CDK17: variants seen among roughly 807,000 people sequenced by gnomAD.
CDK17 encodes the protein cyclin dependent kinase 17, also known as cyclin-dependent kinase 17.
CDK17 carries 24 observed loss-of-function variants against 77.6 expected under a neutral mutation model. That is an observed-to-expected ratio of 0.31 (90% CI 0.22 to 0.44). The LOEUF (loss-of-function observed/expected upper bound fraction) is 0.44. Ranked by LOEUF, CDK17 falls within the 20% of genes least tolerant of loss-of-function variation. The pLI is 1.00. For synonymous variants in CDK17, 203 were observed against 210.4 expected (o/e 0.96, Z 0.30); for missense variants, 429 against 622.5 (o/e 0.69, Z 3.31).
At chr12:96,335,082 T>C (rs1264252633) in intron 1 of CDK17, 1 of 604,230 alleles carries the variant, frequency 1.7e-6, no homozygotes, top group Non-Finnish European at 3.1e-6. Flanking sequence ...AGGAATTCCA[T>C]GTAACTAAAG....
intron 2 of CDK17, among the ~76,000 whole-genome samples, chr12:96,327,056 G>A (rs1322474192): frequency 6.6e-6 from 1 of 152,160 alleles, no homozygotes; most frequent in East Asian, 1.9e-4. Context: ...TTGTCATGAT[G>A]AAACAGTTCT....
chr12:96,377,424 A>C (rs762170706), intron 1 of CDK17, among the ~76,000 whole-genome samples: 1 of 152,220 alleles, frequency 6.6e-6, no homozygotes, highest in Non-Finnish European at 1.5e-5. Context: ...CCAATGACCT[A>C]AGAGAAAAAT....
At chr12:96,377,894 C>T (rs142851648) in intron 1 of CDK17, among the ~76,000 whole-genome samples, 1,953 of 152,134 alleles carry the variant, frequency 0.013, 25 homozygotes, top group Middle Eastern at 0.031. Flanking sequence ...AGGGTTTCAC[C>T]GTGTTAGCCA....
At chr12:96,285,196 G>C (rs1952231269) in intron 13 of CDK17, among the ~76,000 whole-genome samples, 1 of 152,160 alleles carries the variant, frequency 6.6e-6, no homozygotes, top group African/African-American at 2.4e-5. Context: ...AAAAAGCCCA[G>C]CAAGTATTAT....
intron 13 of CDK17, among the ~76,000 whole-genome samples, chr12:96,285,014 T>C (rs564677223): frequency 6.6e-6 from 1 of 152,318 alleles, no homozygotes; most frequent in South Asian, 2.1e-4. Context: ...AGTCTAGACA[T>C]TCTATGTAGT....
At chr12:96,376,384 A>C (rs971349650) in intron 1 of CDK17, among the ~76,000 whole-genome samples, 1 of 152,242 alleles carries the variant, frequency 6.6e-6, no homozygotes, top group Admixed American at 6.5e-5. Flanking sequence ...CAGACTCCAA[A>C]ACATCAATAA....
At chr12:96,295,286 G>A in intron 9 of CDK17, 164 bp from the exon 10 acceptor site, 1 of 454,070 alleles carries the variant, frequency 2.2e-6, no homozygotes, top group Non-Finnish European at 3.8e-6. Context: ...ATATATAGTG[G>A]CTTTCTGAAT....
intron 1 of CDK17, among the ~76,000 whole-genome samples, chr12:96,346,837 C>T (rs1953218949): frequency 2.0e-5 from 3 of 151,342 alleles, no homozygotes; most frequent in Admixed American, 6.6e-5. Context: ...ATCACTTGAA[C>T]CCAAGAGGCA....
chr12:96,395,160 C>T (rs1954148049), intron 1 of CDK17, among the ~76,000 whole-genome samples: 1 of 152,206 alleles, frequency 6.6e-6, no homozygotes, highest in South Asian at 2.1e-4. Flanking sequence ...AGGCGTGAGC[C>T]ACCATGCCTC....
chr12:96,345,886 CAAAT>C (rs1182776230), intron 1 of CDK17, among the ~76,000 whole-genome samples: 2 of 152,078 alleles, frequency 1.3e-5, no homozygotes, highest in Non-Finnish European at 2.9e-5. Flanking sequence ...GAGTTAGAAA[CAAAT>C]AAGACATACA....
At chr12:96,331,735 C>A (rs75016853) in intron 2 of CDK17, among the ~76,000 whole-genome samples, 4,083 of 151,884 alleles carry the variant, frequency 0.027, 110 homozygotes, top group Middle Eastern at 0.11. Flanking sequence ...CGCATCATAC[C>A]CATAATTTCT....
intron 1 of CDK17, among the ~76,000 whole-genome samples, chr12:96,389,257 G>A (rs963255832): frequency 5.9e-5 from 9 of 151,768 alleles, no homozygotes; most frequent in Non-Finnish European, 1.2e-4. Context: ...TTACAGGCAT[G>A]AGCCACCTTG....
chr12:96,283,979 C>G (rs1383437005), intron 13 of CDK17, among the ~76,000 whole-genome samples: 2 of 152,180 alleles, frequency 1.3e-5, no homozygotes, highest in African/African-American at 4.8e-5. Flanking sequence ...CAGTCTTTCA[C>G]TAAACGCAAG....
intron 3 of CDK17, among the ~76,000 whole-genome samples, chr12:96,320,562 A>G (rs1453402034): frequency 6.7e-6 from 1 of 149,232 alleles, no homozygotes; most frequent in African/African-American, 2.4e-5. Flanking sequence ...AAACTATACT[A>G]CAAGGCTACA....
At chr12:96,321,750 A>C in intron 3 of CDK17, among the ~76,000 whole-genome samples, 1 of 107,478 alleles carries the variant, frequency 9.3e-6, no homozygotes, top group East Asian at 2.9e-4. Flanking sequence ...ATAGGTGGGA[A>C]TTGAACAATG....
chr12:96,347,064 G>A (rs531745949), intron 1 of CDK17, among the ~76,000 whole-genome samples: 14 of 152,190 alleles, frequency 9.2e-5, no homozygotes, highest in Admixed American at 3.3e-4. Flanking sequence ...ATGATAACAA[G>A]ACACGAAGGC....
intron 1 of CDK17, among the ~76,000 whole-genome samples, chr12:96,363,076 ACACT>A (rs1363701831): frequency 6.6e-6 from 1 of 152,194 alleles, no homozygotes; most frequent in Non-Finnish European, 1.5e-5. Context: ...TCACAGATAT[ACACT>A]CTATATATCT....
At chr12:96,322,493 C>CA (rs779736856) in intron 3 of CDK17, among the ~76,000 whole-genome samples, 1,631 of 107,876 alleles carry the variant, frequency 0.015, 8 homozygotes, top group African/African-American at 0.043. Flanking sequence ...TGCCCCCTTA[C>CA]AAAAAAAAAA....
At chr12:96,317,785 G>T (rs1293394958) in intron 3 of CDK17, among the ~76,000 whole-genome samples, 1 of 149,058 alleles carries the variant, frequency 6.7e-6, no homozygotes, top group Non-Finnish European at 1.5e-5. Flanking sequence ...CCCTAAAAGA[G>T]CTCCTGAAGG....
Sources: allele counts gnomAD v4.1 joint callset (sites outside exome capture counted in the v4.1 genomes callset), GRCh38; gene constraint gnomAD v4.1.1; transcripts MANE v1.5; gene names NCBI Gene and HGNC (gene_info 2026-07-23, HGNC 2026-07-21).